The following RGL1 variants were observed in gnomAD, a reference collection of about 807,000 sequenced individuals.
RGL1 encodes ral guanine nucleotide dissociation stimulator-like 1.
In RGL1, 24 loss-of-function variants were observed where a neutral mutation model predicts 95.2. The observed-to-expected ratio is 0.25, with a 90% confidence interval of 0.18 to 0.35. RGL1 has a LOEUF of 0.35. Among genes scored for constraint, RGL1 ranks in the 10% least tolerant of loss-of-function variants. The probability of loss-of-function intolerance (pLI) is 1.00; values close to 1 mark genes in which losing one functional copy is unlikely to be tolerated. For missense variants in RGL1, 715 were observed against 936.3 expected, an observed-to-expected ratio of 0.76 and a Z score of 3.08; for synonymous variants, 329 against 344.9, an observed-to-expected ratio of 0.95 and a Z score of 0.51.
chr1:183,745,662 A>T (rs1362088527), intron 2 of RGL1, among the ~76,000 whole-genome samples: 1 of 152,022 alleles, frequency 6.6e-6, no homozygotes, highest in African/African-American at 2.4e-5. Flanking sequence ...TCTAGCTCTA[A>T]AAAAAAGCCC....
chr1:183,898,598 T>G (rs551571098), intron 10 of RGL1, among the ~76,000 whole-genome samples: 1 of 152,322 alleles, frequency 6.6e-6, no homozygotes, highest in African/African-American at 2.4e-5. Context: ...TTTGGAAAGC[T>G]CAACGTAAGT....
intron 2 of RGL1, among the ~76,000 whole-genome samples, chr1:183,826,109 AGTG>A (rs893318836): frequency 6.6e-6 from 1 of 150,956 alleles, no homozygotes; most frequent in Non-Finnish European, 1.5e-5. Context: ...GCTGGAGTGC[AGTG>A]GTGCGATCTT....
At chr1:183,852,203 C>G (rs373376409) in intron 3 of RGL1, among the ~76,000 whole-genome samples, 1 of 152,026 alleles carries the variant, frequency 6.6e-6, no homozygotes, top group South Asian at 2.1e-4. Context: ...TGTGGGTTTT[C>G]TCATATGGAA....
intron 2 of RGL1, among the ~76,000 whole-genome samples, chr1:183,824,623 C>T (rs945854208): frequency 2.6e-5 from 4 of 152,180 alleles, no homozygotes; most frequent in Admixed American, 2.6e-4. Context: ...TGACAAGGCT[C>T]AGTTCATTAT....
chr1:183,875,172 T>C (rs1478412833), intron 4 of RGL1, among the ~76,000 whole-genome samples: 1 of 152,206 alleles, frequency 6.6e-6, no homozygotes, highest in African/African-American at 2.4e-5. Flanking sequence ...TACAAAAAAT[T>C]ATTATTTCAA....
intron 2 of RGL1, among the ~76,000 whole-genome samples, chr1:183,774,923 G>A (rs536783085): frequency 9.4e-4 from 143 of 152,216 alleles, no homozygotes; most frequent in African/African-American, 3.3e-3. Flanking sequence ...AGTCTTCTCA[G>A]AAGGTATCAA....
chr1:183,766,860 T>G (rs1449775160), intron 2 of RGL1, among the ~76,000 whole-genome samples: 1 of 151,970 alleles, frequency 6.6e-6, no homozygotes, highest in Admixed American at 6.6e-5. Flanking sequence ...TGATGAATGT[T>G]GGAAAAACAT....
chr1:183,900,108 T>G (rs764810223), intron 10 of RGL1, 42 bp from the exon 11 acceptor site: 1 of 1,548,494 alleles, frequency 6.5e-7, no homozygotes, highest in Non-Finnish European at 8.9e-7. Flanking sequence ...CCCTCAACTT[T>G]TCAATGACAA....
chr1:183,810,849 TC>T (rs1253109777), intron 2 of RGL1, among the ~76,000 whole-genome samples: 1 of 152,214 alleles, frequency 6.6e-6, no homozygotes, highest in Non-Finnish European at 1.5e-5. Flanking sequence ...AGGCGTCCCT[TC>T]TGTGTGCTCC....
At chr1:183,679,323 G>C (rs1653041265) in intron 1 of RGL1, among the ~76,000 whole-genome samples, 1 of 151,962 alleles carries the variant, frequency 6.6e-6, no homozygotes, top group Non-Finnish European at 1.5e-5. Flanking sequence ...GTGCCGTGGT[G>C]GTTTCCTGCA....
intron 8 of RGL1, among the ~76,000 whole-genome samples, chr1:183,890,350 G>C (rs988766345): frequency 9.2e-5 from 14 of 152,116 alleles, no homozygotes; most frequent in Admixed American, 3.9e-4. Flanking sequence ...TAGTCTCCTT[G>C]GCTGCCATAT....
At chr1:183,908,359 A>G (rs12139534) in intron 14 of RGL1, among the ~76,000 whole-genome samples, 1,912 of 152,298 alleles carry the variant, frequency 0.013, 14 homozygotes, top group Non-Finnish European at 0.019. Context: ...GCGGCCACGC[A>G]GGCTGCTATC....
At chr1:183,656,420 C>G (rs1226834999) in intron 1 of RGL1, among the ~76,000 whole-genome samples, 1 of 152,180 alleles carries the variant, frequency 6.6e-6, no homozygotes, top group Non-Finnish European at 1.5e-5. Context: ...TCTTCGTACT[C>G]AGCGAATTGT....
chr1:183,866,169 A>AT lies in RGL1; in HGVS notation c.425+105dup, dbSNP rs1000638934. 8.7e-4 allele frequency: 906 copies of AT among 1,046,678 alleles called. 2 individuals carry two copies. The highest frequency in any genetic ancestry group is 9.8e-4 in the Non-Finnish European group (684 of 695,842). The allele number at this position is 1,046,678 out of a possible 1,614,324, so 64.8% of individuals were successfully genotyped here. A position where few individuals can be genotyped will look rare whatever the true frequency, so the allele number is the denominator to read the frequency against. On this transcript the variant is annotated intron_variant, in intron 4 of 17. Transcript: ENST00000360851. ...TTTTATTCCTTTGAATGTTGCCATG[A>AT]TTTTTTTTTCCATAGTGCATACAGA...
At chr1:183,822,284 T>G (rs1306257488) in intron 2 of RGL1, among the ~76,000 whole-genome samples, 1 of 152,234 alleles carries the variant, frequency 6.6e-6, no homozygotes. Flanking sequence ...TGGAGCCAGA[T>G]TCTTTAAAAA....
At chr1:183,779,103 CTG>C (rs1659748027) in intron 2 of RGL1, among the ~76,000 whole-genome samples, 1 of 152,088 alleles carries the variant, frequency 6.6e-6, no homozygotes, top group Non-Finnish European at 1.5e-5. Flanking sequence ...AGCTGTGTAG[CTG>C]TTCATTAGAA....
intron 2 of RGL1, among the ~76,000 whole-genome samples, chr1:183,781,579 T>C (rs1193769958): frequency 6.6e-6 from 1 of 152,184 alleles, no homozygotes; most frequent in Non-Finnish European, 1.5e-5. Flanking sequence ...CTGTTAACCA[T>C]TTCTCGAGAT....
At chr1:183,657,414 A>G (rs1445087438) in intron 1 of RGL1, among the ~76,000 whole-genome samples, 20 of 152,294 alleles carry the variant, frequency 1.3e-4, no homozygotes, top group Admixed American at 9.8e-4. Context: ...AGCATTAGGT[A>G]TATCTCCTAA....
intron 1 of RGL1, among the ~76,000 whole-genome samples, chr1:183,734,847 T>C (rs1443461087): frequency 3.3e-5 from 5 of 152,242 alleles, no homozygotes; most frequent in African/African-American, 1.2e-4. Flanking sequence ...TTTTTTGTGA[T>C]CTCAGCTCTG....
Sources: allele counts gnomAD v4.1 joint callset (sites outside exome capture counted in the v4.1 genomes callset), GRCh38; gene constraint gnomAD v4.1.1; transcripts MANE v1.5; gene names NCBI Gene and HGNC (gene_info 2026-07-23, HGNC 2026-07-21).